The following RC3H2 variants were observed in gnomAD, a reference collection of about 807,000 sequenced individuals.
The protein encoded by RC3H2 is ring finger and CCCH-type domains 2, also known as roquin-2.
RC3H2 carries 31 observed loss-of-function variants against 133.3 expected under a neutral mutation model. The observed-to-expected ratio is 0.23, with a 90% confidence interval of 0.17 to 0.31. The LOEUF is 0.31. RC3H2 is among the 10% of genes least tolerant of loss of function. RC3H2 has a pLI of 1.00. For synonymous variants in RC3H2, 517 were observed against 502.2 expected (o/e 1.03, Z -0.40); for missense variants, 1,175 against 1,437.2 (o/e 0.82, Z 2.95).
intron 9 of RC3H2, among the ~76,000 whole-genome samples, chr9:122,873,606 G>T (rs940822667): frequency 6.6e-6 from 1 of 151,706 alleles, no homozygotes; most frequent in East Asian, 1.9e-4. Flanking sequence ...CCAGCTACTC[G>T]AGAGGCTGAG....
intron 4 of RC3H2, among the ~76,000 whole-genome samples, chr9:122,884,063 G>C (rs1449860511): frequency 1.3e-5 from 2 of 152,154 alleles, no homozygotes; most frequent in South Asian, 4.1e-4. Context: ...GGGAGGCCAA[G>C]GCGGGCGGAT....
intron 1 of RC3H2, among the ~76,000 whole-genome samples, chr9:122,904,642 G>A (rs1165923842): frequency 1.3e-5 from 2 of 152,178 alleles, no homozygotes; most frequent in Non-Finnish European, 2.9e-5. Flanking sequence ...AGCCCTCCCA[G>A]GGCATTGTTT....
At chr9:122,878,799 A>T (rs1043095928) in intron 8 of RC3H2, among the ~76,000 whole-genome samples, 3 of 151,866 alleles carry the variant, frequency 2.0e-5, no homozygotes, top group Non-Finnish European at 2.9e-5. Context: ...CCCAGGCTGG[A>T]GTGCAGTGGC....
At chr9:122,859,203 T>A in intron 11 of RC3H2, 101 bp from the exon 12 acceptor site, 1 of 953,544 alleles carries the variant, frequency 1.0e-6, no homozygotes, top group Admixed American at 3.2e-5. Context: ...GAAAATATAA[T>A]AAGCTTTGAA....
At chr9:122,897,205 G>C in intron 2 of RC3H2, 74 bp downstream of exon 2, 1 of 1,359,352 alleles carries the variant, frequency 7.4e-7, no homozygotes. Context: ...CTGCAGGCTG[G>C]ACAAGCCGTT....
intron 1 of RC3H2, among the ~76,000 whole-genome samples, 185 bp downstream of exon 1, chr9:122,904,925 G>C (rs969536646): frequency 6.6e-6 from 1 of 152,212 alleles, no homozygotes; most frequent in African/African-American, 2.4e-5. Flanking sequence ...CCCTACCAGA[G>C]AGAGGGGCCT....
Position 122,860,103 on chromosome 9 carries a change from C to T in RC3H2, c.1663G>A (p.Val555Ile), listed in dbSNP as rs1830399450. 5.0e-6 allele frequency: 8 copies of T among 1,614,114 alleles called. No homozygotes were observed. The highest frequency in any genetic ancestry group is 1.1e-5 in the South Asian group (1 of 91,086). The change falls in exon 11 of 21, where the codon GTA becomes ATA. Residue 555 changes from valine to isoleucine, a missense_variant. Val to Ile is a conservative substitution (Grantham distance 29, BLOSUM62 3). Transcript: ENST00000357244. ...NKIGSPPKTPVSNVAATSAGP... is the reference protein window; with the variant it reads ...NKIGSPPKTPISNVAATSAGP... ...GCTGAGGTAGCTGCTACATTACTTA[C>T]AGGAGTCTTGGGTGGAGAACCAATT...
intron 9 of RC3H2, chr9:122,874,942 T>G (rs1476017427): frequency 4.6e-5 from 20 of 439,484 alleles, no homozygotes; most frequent in Middle Eastern, 6.0e-4. Flanking sequence ...AGAAAATGGA[T>G]TTTCAGCCTG....
In RC3H2 at chr9:122,846,299, T is replaced by C. The variant is rs1042708639; in HGVS notation, c.*3328A>G. ...ATCCTCTTACTAGAATAAATAGCTA[T>C]GATGGGAAGGAAAAATCAGTGCCAC... On this transcript the variant is annotated 3_prime_UTR_variant, in exon 21 of 21. Transcript: ENST00000357244. The C allele has an allele frequency of 5.9e-5, 9 of 152,182 alleles. No homozygotes were observed. The highest frequency in any genetic ancestry group is 1.9e-4 in the African/African-American group (8 of 41,452). 9.4% of individuals were successfully genotyped at this position (152,182 alleles called of 1,614,324 possible).
At chr9:122,898,131 GA>G (rs1215180596) in intron 1 of RC3H2, 1 of 152,280 alleles carries the variant, frequency 6.6e-6, no homozygotes, top group Non-Finnish European at 1.5e-5. Flanking sequence ...ATGAGGCACT[GA>G]AAATCAACAT....
chr9:122,867,530 GTCTGGGACGTGAGGAGCC>G (rs1830763370), intron 9 of RC3H2, among the ~76,000 whole-genome samples: 1 of 17,268 alleles, frequency 5.8e-5, no homozygotes, highest in Admixed American at 4.1e-4. Context: ...GCCGCCTATC[GTCTGGGACGTGAGGAGCC>G]CCTCTGCCTG....
chr9:122,887,286 G>A (rs1300981326), intron 4 of RC3H2, among the ~76,000 whole-genome samples: 1 of 152,066 alleles, frequency 6.6e-6, no homozygotes. Flanking sequence ...TGTACATATT[G>A]TGTTTCAATC....
intron 12 of RC3H2, 145 bp from the exon 13 acceptor site, chr9:122,858,238 C>A: frequency 1.4e-6 from 1 of 702,360 alleles, no homozygotes; most frequent in Non-Finnish European, 2.3e-6. Flanking sequence ...TCTCCATACA[C>A]TTAAAATAAA....
At chr9:122,866,313 AAGG>A (rs1355381818) in intron 9 of RC3H2, among the ~76,000 whole-genome samples, 2 of 151,408 alleles carry the variant, frequency 1.3e-5, no homozygotes, top group Admixed American at 1.3e-4. Context: ...TAATACACAA[AAGG>A]ACTGGCAATT....
chr9:122,856,105 T>A (rs1240218660), intron 13 of RC3H2, among the ~76,000 whole-genome samples: 1 of 152,136 alleles, frequency 6.6e-6, no homozygotes, highest in Non-Finnish European at 1.5e-5. Flanking sequence ...ATATGGAACA[T>A]TTGACTAATA....
rs41277130 is a variant in RC3H2 at position 122,854,099 on chromosome 9, G to C, written c.2983-13C>G. 41,244 of 1,609,304 alleles carry C rather than the reference G, an allele frequency of 0.026. 628 individuals carry two copies. The highest frequency in any genetic ancestry group is 0.036 in the Middle Eastern group (217 of 6,034). On this transcript the variant is annotated splice_polypyrimidine_tract_variant and intron_variant, in intron 17 of 20. Transcript: ENST00000357244. ...AGTTGCTCTTGGCCTATATGAGGAG[G>C]GAAAAAAAGAAAAGTTAGCTTCCAA...
chr9:122,869,560 ATTTTTT>A (rs10560103), intron 9 of RC3H2, among the ~76,000 whole-genome samples: 4 of 104,532 alleles, frequency 3.8e-5, no homozygotes, highest in African/African-American at 6.8e-5. Context: ...AGTTTACACG[ATTTTTT>A]TTTTTTTTTT....
Position 122,849,441 on chromosome 9 carries a change from CTT to C in RC3H2, c.*184_*185del, listed in dbSNP as rs1427602533. 15 of 171,078 alleles carry C rather than the reference CTT, an allele frequency of 8.8e-5. No homozygotes were observed. The highest frequency in any genetic ancestry group is 1.5e-4 in the East Asian group (1 of 6,850). 10.6% of individuals were successfully genotyped at this position (171,078 alleles called of 1,614,324 possible). A position where few individuals can be genotyped will look rare whatever the true frequency, so the allele number is the denominator to read the frequency against. On this transcript the variant is annotated 3_prime_UTR_variant, in exon 21 of 21. Transcript: ENST00000357244. ...ATGTTACCCTAGTAAAGTAAATTTT[CTT>C]TTTTTTTTTCATAATGCTAATGCAA...
intron 4 of RC3H2, among the ~76,000 whole-genome samples, chr9:122,886,078 CAG>C (rs759243287): frequency 2.6e-5 from 4 of 152,064 alleles, no homozygotes; most frequent in African/African-American, 7.2e-5. Context: ...TCAGTAGAGA[CAG>C]AGTTTTCCCA....
Sources: gnomAD v4.1 joint callset for allele counts (sites outside exome capture counted in the v4.1 genomes callset) on GRCh38, gnomAD v4.1.1 for gene constraint, MANE v1.5 for transcripts, NCBI Gene and HGNC (gene_info 2026-07-23, HGNC 2026-07-21) for gene names.